Variants in SAGE1 observed in about 807,000 individuals in gnomAD.
The protein encoded by SAGE1 is cancer/testis antigen 14.
In SAGE1, 55 loss-of-function variants were observed where a neutral mutation model predicts 55.4. The ratio of observed to expected loss-of-function variants is 0.99; its 90% confidence interval spans 0.80 to 1.24. The LOEUF is 1.24. Ranked by LOEUF, SAGE1 falls within the 50% of genes most tolerant of loss-of-function variation. SAGE1 has a pLI of 0.00. For missense variants in SAGE1, 710 were observed against 704.4 expected, an observed-to-expected ratio of 1.01 and a Z score of -0.09; for synonymous variants, 240 against 244.3, an observed-to-expected ratio of 0.98 and a Z score of 0.17.
intron 2 of SAGE1, among the ~76,000 whole-genome samples, chrX:135,898,210 G>A (rs782625288): frequency 2.0e-3 from 216 of 110,159 alleles, no homozygotes; most frequent in Non-Finnish European, 3.0e-3. Context: ...TAGTAGAGAC[G>A]GGGTTTCACC....
chrX:135,910,361 G>A (rs781817191), intron 15 of SAGE1, 54 bp from the exon 16 acceptor site: 4 of 1,177,331 alleles, frequency 3.4e-6, no homozygotes, highest in African/African-American at 3.5e-5. Context: ...GGGTATGCCT[G>A]TGCGGTTGAC....
rs201670376 is a variant in SAGE1 at position 135,912,324 on chromosome X, A to G, written c.2525A>G (p.Tyr842Cys). ...CTAATTTTTAAAATATCTTCAGATT[A>G]TGAAAGAATTTTCATTTTGCTTGAA... ...MKEVRRFGQN[Y>C]ERIFILLEEV... Residue 842 changes from tyrosine (Y) to cysteine (C), a missense_variant, in exon 19 of 20, where the codon TAT (tyrosine) becomes TGT (cysteine). Transcript: ENST00000370709. 2.5e-6 allele frequency: 3 copies of G among 1,186,086 alleles called. No individual in the cohort carries two copies. Among genetic ancestry groups the G allele is most frequent in the East Asian group, 5.9e-5 (2 of 33,635 alleles).
chrX:135,901,221 C>T (rs1556596472), intron 2 of SAGE1, among the ~76,000 whole-genome samples: 2 of 98,608 alleles, frequency 2.0e-5, no homozygotes, highest in African/African-American at 3.8e-5. Context: ...AGGGCTGAGA[C>T]AAAATGATGT....
In SAGE1 at chrX:135,905,322, G is replaced by C; in HGVS notation, c.384G>C (p.Leu128Phe). ...GCCAATCTCGAACTGACAAAGTCTT[G>C]TCAACTGCTCCACCACAGCTTGTTC... ...ENGQSRTDKV[L>F]STAPPQLVHM... The change falls in exon 5 of 20, where the codon TTG becomes TTC. Residue 128 changes from leucine to phenylalanine, a missense_variant. Leu to Phe is a conservative substitution (Grantham distance 22). Transcript: ENST00000370709. 10 of 1,208,930 alleles carry C rather than the reference G, an allele frequency of 8.3e-6. No homozygotes were observed. Among genetic ancestry groups the C allele is most frequent in the Non-Finnish European group, 1.1e-5 (10 of 893,350 alleles).
chrX:135,909,714 CTGTT>C lies in SAGE1; in HGVS notation c.1659_1662del (p.Val554TyrfsTer7). ...CCACAACCTAGTTATGACTTGTCAA[CTGTT>C]CTACCAGGACTTACTTATTTGACAG... is the stretch of plus-strand genomic sequence containing the variant. On this transcript the variant is annotated frameshift_variant, in exon 14 of 20. Transcript: ENST00000370709. LOFTEE classifies it high-confidence loss of function. 1 of 1,204,388 alleles carries C rather than the reference CTGTT, an allele frequency of 8.3e-7. No individual in the cohort carries two copies. The highest frequency in any genetic ancestry group is 3.0e-5 in the East Asian group (1 of 33,762).
At chrX:135,908,812 G>T (rs1569521556) in intron 12 of SAGE1, 52 bp from the exon 13 acceptor site, 1 of 1,181,685 alleles carries the variant, frequency 8.5e-7, no homozygotes, top group East Asian at 3.0e-5. Context: ...ATATCGGTGG[G>T]GTTGACATAA....
At chrX:135,906,347 G>GATAT in intron 6 of SAGE1, 64 bp from the exon 7 acceptor site, 1 of 1,145,595 alleles carries the variant, frequency 8.7e-7, no homozygotes, top group South Asian at 2.0e-5. Flanking sequence ...GCACCAGAGG[G>GATAT]ATATACTTGT....
intron 4 of SAGE1, 41 bp downstream of exon 4, chrX:135,904,610 A>T: frequency 1.1e-6 from 1 of 895,653 alleles, no homozygotes; most frequent in East Asian, 3.1e-5. Flanking sequence ...TGAGTATGAA[A>T]TTCATCCATG....
chrX:135,909,074 A>G, intron 13 of SAGE1, 70 bp downstream of exon 13: 1 of 1,014,131 alleles, frequency 9.9e-7, no homozygotes, highest in Non-Finnish European at 1.4e-6. Flanking sequence ...TGAAGGGTAG[A>G]TGTGGTTTTG....
intron 6 of SAGE1, 53 bp from the exon 7 acceptor site, chrX:135,906,358 G>C (rs2088788777): frequency 8.5e-7 from 1 of 1,174,005 alleles, no homozygotes; most frequent in South Asian, 1.9e-5. Context: ...ATATACTTGT[G>C]AGTTGGCATA....
chrX:135,909,277 G>A (rs1429542228), intron 13 of SAGE1, among the ~76,000 whole-genome samples: 4 of 111,671 alleles, frequency 3.6e-5, no homozygotes, highest in Non-Finnish European at 7.5e-5. Flanking sequence ...CACAATGACT[G>A]TGAAGAAAAG....
Position 135,910,164 on chromosome X carries a change from G to A in SAGE1, c.1858G>A (p.Asp620Asn). Reference sequence around the variant, plus strand: ...TGGTGTTTCATCCATGAGTACCAGGGATCAGTGTAAGTTTATTCACTTGTT... The same window carrying A: ...TGGTGTTTCATCCATGAGTACCAGGAATCAGTGTAAGTTTATTCACTTGTT... ...ATGVSSMSTR[D>N]QYAAVTHNIR... Residue 620 changes from aspartate (D) to asparagine (N), a missense_variant, in exon 15 of 20, where the codon GAT becomes AAT. By Grantham distance (23) the Asp-to-Asn change is conservative. Coordinates refer to ENST00000370709, the MANE Select transcript of SAGE1 (RefSeq NM_001381902.1). The A allele has an allele frequency of 1.7e-6, 2 of 1,205,988 alleles. No homozygotes were observed. Among genetic ancestry groups the A allele is most frequent in the African/African-American group, 1.7e-5 (1 of 57,648 alleles).
chrX:135,904,877 TCA>T (rs1301344755), intron 4 of SAGE1, among the ~76,000 whole-genome samples: 1 of 111,419 alleles, frequency 9.0e-6, no homozygotes, highest in African/African-American at 3.3e-5. Context: ...CTACTGTCAA[TCA>T]CAGTGTCCAT....
chrX:135,902,620 A>G (rs2088698159), intron 3 of SAGE1, among the ~76,000 whole-genome samples: 2 of 112,201 alleles, frequency 1.8e-5, no homozygotes, highest in Non-Finnish European at 1.9e-5. Context: ...TCACTGAACC[A>G]GATTCAGGAA....
At chrX:135,902,627 G>A (rs1333821026) in intron 3 of SAGE1, among the ~76,000 whole-genome samples, 3 of 112,099 alleles carry the variant, frequency 2.7e-5, no homozygotes, top group Non-Finnish European at 5.6e-5. Context: ...ACCAGATTCA[G>A]GAAGAGTTGG....
At position 135,908,147 on chromosome X, in the gene SAGE1, T is replaced by C. The variant is rs782223910; in HGVS notation, c.1218T>C (p.Pro406=). ...EEKKDNSQPT[P]DNVLSAVTPE... ...AGAAAGATAACAGCCAACCAACCCC[T>C]GATAACGTCTTGTCAGCTGTTACAC... Residue 406 remains proline, a synonymous_variant, in exon 11 of 20, where the codon CCT becomes CCC. Coordinates refer to ENST00000370709, the MANE Select transcript of SAGE1 (RefSeq NM_001381902.1). The C allele has an allele frequency of 4.8e-5, 58 of 1,208,949 alleles. No individual in the cohort carries two copies. Among genetic ancestry groups the C allele is most frequent in the Non-Finnish European group, 6.4e-5 (57 of 893,271 alleles).
intron 2 of SAGE1, among the ~76,000 whole-genome samples, chrX:135,897,712 G>T (rs2088608680): frequency 9.0e-6 from 1 of 111,459 alleles, no homozygotes; most frequent in African/African-American, 3.3e-5. Flanking sequence ...TGCAGGATGT[G>T]CAGGTTTATT....
chrX:135,908,956 G>A lies in SAGE1; in HGVS notation c.1534G>A (p.Gly512Ser), dbSNP rs782010498. Residue 512 changes from glycine (G) to serine (S), a missense_variant, in exon 13 of 20, where the codon GGT (glycine) becomes AGT (serine). Coordinates refer to ENST00000370709, the MANE Select transcript of SAGE1 (RefSeq NM_001381902.1). Reference sequence around the variant, plus strand: ...CATATCAAATGATGCACCACAGCTTGGTCATATGGCTGCAGGTGGTATTCC... The same window carrying A: ...CATATCAAATGATGCACCACAGCTTAGTCATATGGCTGCAGGTGGTATTCC... ...KVISNDAPQL[G>S]HMAAGGIPSM... 8.3e-7 allele frequency: 1 copy of A among 1,209,227 alleles called. No homozygotes were observed. The highest frequency in any genetic ancestry group is 1.8e-5 in the South Asian group (1 of 56,829).
At chrX:135,897,999 A>C (rs1303881594) in intron 2 of SAGE1, among the ~76,000 whole-genome samples, 1 of 112,172 alleles carries the variant, frequency 8.9e-6, no homozygotes, top group African/African-American at 3.2e-5. Flanking sequence ...TGCAAAGGAC[A>C]TGATCTCATT....
Sources: gnomAD v4.1 joint callset for allele counts (sites outside exome capture counted in the v4.1 genomes callset) on GRCh38, gnomAD v4.1.1 for gene constraint, MANE v1.5 for transcripts, NCBI Gene and HGNC (gene_info 2026-07-23, HGNC 2026-07-21) for gene names.